HMGXB4: variants seen among roughly 807,000 people sequenced by gnomAD.
HMGXB4 encodes the protein HMG domain-containing protein 4.
A neutral mutation model predicts 63.9 loss-of-function variants in HMGXB4; 27 were observed. The observed-to-expected ratio is 0.42, with a 90% confidence interval of 0.31 to 0.58. The LOEUF (loss-of-function observed/expected upper bound fraction) is 0.58. HMGXB4 is among the 20% of genes least tolerant of loss of function. The pLI is 0.13. For missense variants in HMGXB4, 624 were observed against 700.7 expected (o/e 0.89, Z 1.24); for synonymous variants, 264 against 265.3 (o/e 0.99, Z 0.05).
At chr22:35,242,530 G>GCTCT in the HMGXB4 span, among the ~76,000 whole-genome samples, 10,737 of 145,982 alleles carry the variant, frequency 0.074, 496 homozygotes, top group East Asian at 0.19. Flanking sequence ...ATAGTAATCT[G>GCTCT]CTCTCTCTCT....
chr22:35,272,433 GT>G (rs1311315705), intron 5 of HMGXB4, among the ~76,000 whole-genome samples: 6 of 152,126 alleles, frequency 3.9e-5, no homozygotes, highest in Non-Finnish European at 8.8e-5. Flanking sequence ...GGTGGTTTTT[GT>G]TTGGTTGGTT....
chr22:35,246,899 T>C, the HMGXB4 span, among the ~76,000 whole-genome samples: 1 of 152,242 alleles, frequency 6.6e-6, no homozygotes. Flanking sequence ...TGAGTTCCTT[T>C]TACATCTTTT....
rs1374210270 is a variant in HMGXB4 at position 35,260,465 on chromosome 22, G to A, written c.-68-1858G>A. 2.6e-5 allele frequency among the ~76,000 whole-genome samples: 4 copies of A among 152,296 alleles called. No individual in the cohort carries two copies. The East Asian group carries it at 7.7e-4, about 29-fold the overall frequency. On this transcript the variant is annotated intron_variant, in intron 1 of 10. Coordinates refer to ENST00000216106, the MANE Select transcript of HMGXB4 (RefSeq NM_001003681.3). ...AGCACCACTTGGGTGGAAAGGGGAG[G>A]ACAGTAGTTTCCGCTGAGAAAGTGT...
rs1196510971 is a variant in HMGXB4, at chr22:35,284,009, T to C, written c.1263T>C (p.Tyr421=). The change falls in exon 6 of 11, where the codon TAT becomes TAC. Residue 421 remains tyrosine, a synonymous_variant. Transcript: ENST00000216106. ...MSAYQVFCKE[Y]RVTIVADHPG... ...CCTACCAGGTGTTCTGTAAAGAGTA[T>C]CGCGTGACCATTGTGGCTGACCATC... 1.9e-6 allele frequency: 3 copies of C among 1,614,122 alleles called. No individual in the cohort carries two copies. In the Admixed American group the frequency reaches 5.0e-5, roughly 27 times the overall value.
Position 35,293,856 on chromosome 22 carries a change from G to A in HMGXB4, c.*205G>A, listed in dbSNP as rs556186533. Reference sequence around the variant, plus strand: ...TTAATAATTTTATGAAATGGCAAAGGTTTAGCCAAGAGGAAATTTTGGCAT... The same window carrying A: ...TTAATAATTTTATGAAATGGCAAAGATTTAGCCAAGAGGAAATTTTGGCAT... On this transcript the variant is annotated 3_prime_UTR_variant, in exon 11 of 11. Coordinates refer to ENST00000216106, the MANE Select transcript of HMGXB4 (RefSeq NM_001003681.3). The A allele has an allele frequency of 9.3e-6, 3 of 322,558 alleles. No homozygotes were observed. The highest frequency in any genetic ancestry group is 4.7e-5 in the Admixed American group (1 of 21,138). The allele number at this position is 322,558 out of a possible 1,614,324, so 20.0% of individuals were successfully genotyped here.
chr22:35,248,549 C>T, the HMGXB4 span, among the ~76,000 whole-genome samples: 3 of 151,952 alleles, frequency 2.0e-5, no homozygotes, highest in Non-Finnish European at 4.4e-5. Context: ...GGACTACAGG[C>T]GCTCGCCACC....
In HMGXB4 at chr22:35,277,241, GTTTTC is replaced by G. The variant is rs796205256; in HGVS notation, c.1216-6718_1216-6714del. On this transcript the variant is annotated intron_variant, in intron 5 of 10. Coordinates refer to ENST00000216106, the MANE Select transcript of HMGXB4 (RefSeq NM_001003681.3). The stretch of plus-strand genomic sequence containing the variant: ...ATAGTTGTAGAACTCATAGCAATTT[GTTTTC>G]TTCAAATTCGAGACCAGCCAGAGAC... Among the ~76,000 whole-genome samples the G allele has an allele frequency of 8.5e-5, 13 of 152,286 alleles. 1 individual carries two copies. The highest frequency in any genetic ancestry group is 3.1e-4 in the African/African-American group (13 of 41,560).
chr22:35,287,887 G>A (rs1298652723), intron 8 of HMGXB4, among the ~76,000 whole-genome samples: 2 of 152,072 alleles, frequency 1.3e-5, no homozygotes, highest in African/African-American at 4.8e-5. Context: ...GGTGGAGGTT[G>A]CGGTGAGCCG....
rs1455486830 is a variant in HMGXB4 at position 35,294,757 on chromosome 22, T to G, written c.*1106T>G. 2.0e-5 allele frequency: 3 copies of G among 152,192 alleles called. No individual in the cohort carries two copies. The highest frequency in any genetic ancestry group is 7.2e-5 in the African/African-American group (3 of 41,450). 9.4% of individuals were successfully genotyped at this position (152,192 alleles called of 1,614,324 possible). On this transcript the variant is annotated 3_prime_UTR_variant, in exon 11 of 11. Transcript: ENST00000216106. ...ACAGAAGCCTCCACCAGCAACAGCA[T>G]GTGGAAGATACAGATTTGTCATTTC... is the stretch of plus-strand genomic sequence containing the variant.
At chr22:35,245,669 C>T in the HMGXB4 span, among the ~76,000 whole-genome samples, 1 of 152,124 alleles carries the variant, frequency 6.6e-6, no homozygotes, top group Non-Finnish European at 1.5e-5. Flanking sequence ...CTTAAACCTT[C>T]AGTTTAGTTA....
At chr22:35,246,608 G>A in the HMGXB4 span, among the ~76,000 whole-genome samples, 1 of 152,196 alleles carries the variant, frequency 6.6e-6, no homozygotes, top group Non-Finnish European at 1.5e-5. Context: ...GCTAGGGGGT[G>A]GCTGGCTAGA....
chr22:35,263,119 G>C lies in HMGXB4; in HGVS notation c.73G>C (p.Ala25Pro). ...GDHTFEDIGL[A>P]AGRSQREKKR... ...TCATACCTTTGAGGACATAGGACTT[G>C]CAGCTGGCCGAAGCCAACGAGAGAA... The change falls in exon 3 of 11, where the codon GCA becomes CCA. Residue 25 changes from alanine (A) to proline (P), a missense_variant. By Grantham distance (27) the Ala-to-Pro change is conservative. Transcript: ENST00000216106. The C allele has an allele frequency of 1.2e-6, 2 of 1,613,982 alleles. No homozygotes were observed. The highest frequency in any genetic ancestry group is 1.7e-6 in the Non-Finnish European group (2 of 1,179,946).
chr22:35,259,809 G>A (rs1374993644), intron 1 of HMGXB4, among the ~76,000 whole-genome samples: 1 of 152,070 alleles, frequency 6.6e-6, no homozygotes, highest in African/African-American at 2.4e-5. Context: ...TTTTTCTTCA[G>A]GTTATTTAAT....
chr22:35,295,756 GAAAT>G lies in HMGXB4; in HGVS notation c.*2109_*2112del, dbSNP rs1185314984. ...CCAAATCCCATTACAGTTGTATAAA[GAAAT>G]AAAATTTTGTACTTATATTATTAAA... On this transcript the variant is annotated 3_prime_UTR_variant, in exon 11 of 11. Coordinates refer to ENST00000216106, the MANE Select transcript of HMGXB4 (RefSeq NM_001003681.3). The G allele has an allele frequency of 6.6e-6, 1 of 152,496 alleles. No individual in the cohort carries two copies. Among genetic ancestry groups the G allele is most frequent in the African/African-American group, 2.4e-5 (1 of 41,408 alleles). The allele number at this position is 152,496 out of a possible 1,614,324, so 9.4% of individuals were successfully genotyped here.
At chr22:35,269,236 G>A (rs984393752) in intron 5 of HMGXB4, among the ~76,000 whole-genome samples, 2 of 152,142 alleles carry the variant, frequency 1.3e-5, no homozygotes, top group Non-Finnish European at 2.9e-5. Context: ...AAATTATCTG[G>A]GTGTGGTGGC....
At position 35,257,498 on chromosome 22, in the gene HMGXB4, C is replaced by G. The variant is rs1367590233; in HGVS notation, c.-128C>G. On this transcript the variant is annotated 5_prime_UTR_variant, in exon 1 of 11. Transcript: ENST00000216106. ...CCCTGGCCGCTCGCGCTTTTCTCTC[C>G]TTCTCCAAGATGGCGGCGATCGGCG... The G allele has an allele frequency of 6.5e-6, 1 of 152,924 alleles. No homozygotes were observed. Among genetic ancestry groups the G allele is most frequent in the African/African-American group, 2.4e-5 (1 of 41,480 alleles). The allele number at this position is 152,924 out of a possible 1,614,324, so 9.5% of individuals were successfully genotyped here. A position where few individuals can be genotyped will look rare whatever the true frequency, so the allele number is the denominator to read the frequency against.
At chr22:35,243,090 GC>G in the HMGXB4 span, among the ~76,000 whole-genome samples, 7 of 152,166 alleles carry the variant, frequency 4.6e-5, no homozygotes, top group Admixed American at 4.6e-4. Flanking sequence ...AATGTATGGG[GC>G]CAGGCGCGGT....
At chr22:35,274,379 A>G (rs1305075002) in intron 5 of HMGXB4, among the ~76,000 whole-genome samples, 1 of 152,266 alleles carries the variant, frequency 6.6e-6, no homozygotes, top group Non-Finnish European at 1.5e-5. Context: ...AAAGGTATGT[A>G]GAAGGCAGGA....
chr22:35,290,566 G>A (rs573696786), intron 9 of HMGXB4, among the ~76,000 whole-genome samples: 250 of 148,142 alleles, frequency 1.7e-3, no homozygotes, highest in Non-Finnish European at 3.0e-3. Flanking sequence ...AGGAGGCGGA[G>A]CTTGCAGTGA....
Sources: gnomAD v4.1 joint callset for allele counts (sites outside exome capture counted in the v4.1 genomes callset) on GRCh38, gnomAD v4.1.1 for gene constraint, MANE v1.5 for transcripts, NCBI Gene and HGNC (gene_info 2026-07-23, HGNC 2026-07-21) for gene names.